CAMKMT: variants seen among roughly 807,000 people sequenced by gnomAD.
The protein encoded by CAMKMT is calmodulin-lysine N-methyltransferase.
Under a neutral mutation model 48.0 loss-of-function variants are expected in CAMKMT, and 53 were observed. The observed-to-expected ratio is 1.10, with a 90% CI of 0.89 to 1.39. The LOEUF is 1.39. Among genes scored for constraint, CAMKMT ranks in the 40% most tolerant of loss-of-function variants. The probability of loss-of-function intolerance (pLI) is 0.00; values close to 1 mark genes in which losing one functional copy is unlikely to be tolerated. For synonymous variants in CAMKMT, 165 were observed against 152.3 expected (o/e 1.08, Z -0.61); for missense variants, 428 against 402.7 (o/e 1.06, Z -0.54).
At chr2:44,579,699 G>A (rs1206706804) in intron 3 of CAMKMT, among the ~76,000 whole-genome samples, 1 of 152,194 alleles carries the variant, frequency 6.6e-6, no homozygotes, top group African/African-American at 2.4e-5. Context: ...TACATGGAAA[G>A]GCAGCTGATT....
At chr2:44,674,165 A>T (rs1675530760) in intron 3 of CAMKMT, among the ~76,000 whole-genome samples, 1 of 152,216 alleles carries the variant, frequency 6.6e-6, no homozygotes, top group Non-Finnish European at 1.5e-5. Context: ...TCATTACTTC[A>T]TCATGCTATA....
At chr2:44,607,161 C>T (rs1009527127) in intron 3 of CAMKMT, among the ~76,000 whole-genome samples, 2 of 152,210 alleles carry the variant, frequency 1.3e-5, no homozygotes, top group Admixed American at 6.5e-5. Context: ...AGGGCAGGCT[C>T]ATCTGTCAAA....
chr2:44,551,745 G>C (rs1667727428), intron 3 of CAMKMT, among the ~76,000 whole-genome samples: 1 of 152,174 alleles, frequency 6.6e-6, no homozygotes, highest in Non-Finnish European at 1.5e-5. Context: ...TAAATTTTGA[G>C]ACATCAGAGT....
At chr2:44,499,147 A>T (rs1298101588) in intron 3 of CAMKMT, among the ~76,000 whole-genome samples, 3 of 152,222 alleles carry the variant, frequency 2.0e-5, no homozygotes, top group Non-Finnish European at 4.4e-5. Context: ...AATAGAATAC[A>T]TCTAATCATT....
At chr2:44,524,071 C>T (rs986083448) in intron 3 of CAMKMT, among the ~76,000 whole-genome samples, 7 of 152,206 alleles carry the variant, frequency 4.6e-5, no homozygotes, top group South Asian at 2.1e-4. Context: ...GCCACCGTGT[C>T]GAACACAGAG....
rs780341536 is a variant in CAMKMT, at chr2:44,394,913, A to G, written c.376+4608A>G. ...GAGGTATGTTCCTGTAGTCCCAGCT[A>G]CTCAGAAGGCTAAGGCTGGATGATT... On this transcript the variant is annotated intron_variant, in intron 3 of 10. Transcript: ENST00000378494. 8.8e-5 allele frequency: 40 copies of G among 454,498 alleles called. 1 individual carries two copies. Among genetic ancestry groups the G allele is most frequent in the South Asian group, 6.2e-4 (40 of 64,492 alleles). 28.2% of individuals were successfully genotyped at this position (454,498 alleles called of 1,614,324 possible). A position where few individuals can be genotyped will look rare whatever the true frequency, so the allele number is the denominator to read the frequency against.
chr2:44,417,573 C>G (rs1193845699), intron 3 of CAMKMT, among the ~76,000 whole-genome samples: 4 of 152,044 alleles, frequency 2.6e-5, no homozygotes, highest in African/African-American at 9.7e-5. Flanking sequence ...TGGGTAAATA[C>G]CTAGGAGTAG....
chr2:44,563,071 T>G (rs2103701012), intron 3 of CAMKMT, among the ~76,000 whole-genome samples: 1 of 152,310 alleles, frequency 6.6e-6, no homozygotes, highest in South Asian at 2.1e-4. Flanking sequence ...TATTCCTATT[T>G]TATGGAAGAG....
intron 9 of CAMKMT, among the ~76,000 whole-genome samples, chr2:44,761,508 A>G (rs1415951462): frequency 6.6e-6 from 1 of 152,254 alleles, no homozygotes; most frequent in Non-Finnish European, 1.5e-5. Flanking sequence ...CCCCAATTAC[A>G]AAACAGATAA....
intron 3 of CAMKMT, among the ~76,000 whole-genome samples, chr2:44,579,229 C>T (rs900334139): frequency 3.2e-5 from 3 of 95,136 alleles, no homozygotes; most frequent in African/African-American, 1.1e-4. Flanking sequence ...TAATAATGTT[C>T]TATTTTTTTT....
rs1404496967 is a variant in CAMKMT at position 44,410,230 on chromosome 2, A to AGTAT, written c.376+19926_376+19929dup. The stretch of plus-strand genomic sequence containing the variant: ...AAACTTAAGTAATTAGTCAGGTATC[A>AGTAT]GTATATATATATATATATTTTTTTT... On this transcript the variant is annotated intron_variant, in intron 3 of 10. Coordinates refer to ENST00000378494, the MANE Select transcript of CAMKMT (RefSeq NM_024766.5). Among the ~76,000 whole-genome samples the AGTAT allele has an allele frequency of 3.7e-4, 17 of 45,474 alleles. 4 individuals carry two copies. Among genetic ancestry groups the AGTAT allele is most frequent in the Non-Finnish European group, 1.3e-4 (3 of 23,654 alleles). The allele number at this position is 45,474 out of a possible 152,430, so 29.8% of individuals were successfully genotyped here.
intron 10 of CAMKMT, 38 bp downstream of exon 10, chr2:44,766,599 G>A (rs375205307): frequency 4.0e-5 from 65 of 1,606,560 alleles, no homozygotes; most frequent in Middle Eastern, 3.4e-4. Flanking sequence ...ACTTTAATCC[G>A]CATTGCATTT....
chr2:44,708,211 ATTTTTTTTTTTT>A (rs59281575), intron 6 of CAMKMT, among the ~76,000 whole-genome samples: 4 of 68,196 alleles, frequency 5.9e-5, no homozygotes, highest in African/African-American at 1.2e-4. Flanking sequence ...TTTGCTTTGG[ATTTTTTTTTTTT>A]TTTTTTTTTT....
chr2:44,441,961 A>G (rs1284783661), intron 3 of CAMKMT, among the ~76,000 whole-genome samples: 2 of 152,172 alleles, frequency 1.3e-5, no homozygotes, highest in African/African-American at 4.8e-5. Context: ...ATGCAGCTAT[A>G]TACAAGGCTG....
intron 3 of CAMKMT, among the ~76,000 whole-genome samples, chr2:44,591,520 T>C (rs11888658): frequency 0.62 from 93,802 of 151,388 alleles, 29,551 homozygotes; most frequent in Middle Eastern, 0.74. Context: ...GAAGCAATTG[T>C]GAATGGGAGT....
At chr2:44,648,094 G>A (rs1350339794) in intron 3 of CAMKMT, among the ~76,000 whole-genome samples, 1 of 151,954 alleles carries the variant, frequency 6.6e-6, no homozygotes, top group Non-Finnish European at 1.5e-5. Context: ...AATCTTATAT[G>A]TATTGACAGG....
intron 3 of CAMKMT, among the ~76,000 whole-genome samples, chr2:44,463,356 A>G (rs1667944172): frequency 6.6e-6 from 1 of 152,234 alleles, no homozygotes; most frequent in Non-Finnish European, 1.5e-5. Flanking sequence ...AGCCATGAAT[A>G]GTTCTATTGA....
chr2:44,639,434 C>T (rs943553522), intron 3 of CAMKMT, among the ~76,000 whole-genome samples: 3 of 152,224 alleles, frequency 2.0e-5, no homozygotes, highest in African/African-American at 7.2e-5. Context: ...TCAATCGCAA[C>T]TCTGCCACTT....
intron 3 of CAMKMT, among the ~76,000 whole-genome samples, chr2:44,431,058 G>T (rs981186852): frequency 6.6e-6 from 1 of 152,130 alleles, no homozygotes; most frequent in Non-Finnish European, 1.5e-5. Context: ...TTACAAATAT[G>T]CAGGTGGCAT....
Sources: gnomAD v4.1 joint callset for allele counts (sites outside exome capture counted in the v4.1 genomes callset) on GRCh38, gnomAD v4.1.1 for gene constraint, MANE v1.5 for transcripts, NCBI Gene and HGNC (gene_info 2026-07-23, HGNC 2026-07-21) for gene names.